TP53I13: variants seen among roughly 807,000 people sequenced by gnomAD.
TP53I13 encodes tumor protein p53-inducible protein 13.
A neutral mutation model predicts 39.1 loss-of-function variants in TP53I13; 27 were observed. That is an observed-to-expected ratio of 0.69 (90% CI 0.51 to 0.95). The LOEUF (loss-of-function observed/expected upper bound fraction) is 0.95. Among genes scored for constraint, TP53I13 ranks in the 40% least tolerant of loss-of-function variants. The pLI, the probability that TP53I13 is intolerant of heterozygous loss-of-function variation, is 0.00. For missense variants in TP53I13, 544 were observed against 520.4 expected, an observed-to-expected ratio of 1.05 and a Z score of -0.44; for synonymous variants, 230 against 224.6, an observed-to-expected ratio of 1.02 and a Z score of -0.22.
rs777469647 is a variant in TP53I13 at position 29,572,447 on chromosome 17, C to G, written c.819C>G (p.Asn273Lys). The G allele has an allele frequency of 6.3e-7, 1 of 1,576,848 alleles. No individual in the cohort carries two copies. Among genetic ancestry groups the G allele is most frequent in the African/African-American group, 1.4e-5 (1 of 74,008 alleles). The change falls in exon 6 of 7, where the codon AAC becomes AAG. Residue 273 changes from asparagine (N) to lysine (K), a missense_variant. Physicochemically the swap from Asn to Lys is moderately conservative, Grantham distance 94. Coordinates refer to ENST00000301057, the MANE Select transcript of TP53I13 (RefSeq NM_138349.4). ...CCAGGACAGAGGCTCAGGTGCCCAA[C>G]GGGCAAGGCAGCCCAGGGGGCTGTG... ...ASSRTEAQVP[N>K]GQGSPGGCVC... is the part of the protein sequence containing the mutation.
At chr17:29,575,275 C>A, downstream of TP53I13, 1 of 1,604,882 alleles carries the variant, frequency 6.2e-7, no homozygotes, top group Non-Finnish European at 8.5e-7. This position sits in a 1 kb window ranked among gnomAD's most constrained non-coding sequence, Gnocchi z 5.5. Context: ...TCACCTCCCC[C>A]TCCACTCAGT....
At chr17:29,581,390 AAT>A in the TP53I13 span, 11 of 1,610,796 alleles carry the variant, frequency 6.8e-6, no homozygotes, top group Admixed American at 1.7e-5. This position sits in a 1 kb window ranked among gnomAD's most constrained non-coding sequence, Gnocchi z 4.8. Context: ...TCTGAACAAA[AAT>A]AAAAATGCCA....
the TP53I13 span, chr17:29,581,361 G>A: frequency 1.2e-6 from 2 of 1,612,728 alleles, no homozygotes; most frequent in Non-Finnish European, 1.7e-6. This position sits in a 1 kb window ranked among gnomAD's most constrained non-coding sequence, Gnocchi z 4.8. Flanking sequence ...GTGGGATGAT[G>A]TAATGCCCAT....
chr17:29,579,281 T>TA, the TP53I13 span: 1 of 480,328 alleles, frequency 2.1e-6, no homozygotes, highest in Non-Finnish European at 3.7e-6. Flanking sequence ...AATCACCTGT[T>TA]GCCTGGGCTT....
At chr17:29,569,732 G>T (rs2032854649) in intron 3 of TP53I13, 1 of 244,128 alleles carries the variant, frequency 4.1e-6, no homozygotes, top group African/African-American at 2.2e-5. Flanking sequence ...TTCTGTAGGA[G>T]AGGGTATTAA....
At chr17:29,577,364 TC>T, downstream of TP53I13, 1 of 824,276 alleles carries the variant, frequency 1.2e-6, no homozygotes, top group Non-Finnish European at 2.0e-6. Context: ...AGCTAAAGCG[TC>T]CCAGCCTAGC....
rs766162438 is a variant in TP53I13 at position 29,572,027 on chromosome 17, AG to A, written c.486del (p.Arg163GlyfsTer27). ...CTCCCTCCGAGCCAACTCCCGGTAGAGGGAGGCTGTGCCGAAGAGGGTGTGT... is the reference window on the plus strand; with the variant it reads ...CTCCCTCCGAGCCAACTCCCGGTAGAGGAGGCTGTGCCGAAGAGGGTGTGT... ...PAPSEPTPGR[G>X]RLCRRGCVQA... On this transcript the variant is annotated frameshift_variant, in exon 5 of 7. Transcript: ENST00000301057. LOFTEE classifies it high-confidence loss of function. The A allele has an allele frequency of 6.2e-7, 1 of 1,613,156 alleles. No homozygotes were observed. The highest frequency in any genetic ancestry group is 1.7e-5 in the Admixed American group (1 of 60,022).
downstream of TP53I13, chr17:29,577,138 G>T (rs1205688642): frequency 3.1e-6 from 5 of 1,613,264 alleles, no homozygotes; most frequent in Non-Finnish European, 4.2e-6. Flanking sequence ...CCTCCCACCT[G>T]TGGGGCTGCT....
Position 29,568,968 on chromosome 17 carries a change from G to T in TP53I13, c.73-50G>T. The T allele has an allele frequency of 6.3e-7, 1 of 1,589,642 alleles. No individual in the cohort carries two copies. The highest frequency in any genetic ancestry group is 8.5e-7 in the Non-Finnish European group (1 of 1,169,616). On this transcript the variant is annotated intron_variant, in intron 1 of 6. Coordinates refer to ENST00000301057, the MANE Select transcript of TP53I13 (RefSeq NM_138349.4). This position sits in a 1 kb window ranked among gnomAD's most constrained non-coding sequence, Gnocchi z 4.5. ...CGGGCTGGGCCTGGGGAGAGAGAGG[G>T]CAGGGCCTCGCCGCGTCCAGCGCCC... is the stretch of plus-strand genomic sequence containing the variant.
chr17:29,576,047 G>T, downstream of TP53I13: 1 of 1,610,442 alleles, frequency 6.2e-7, no homozygotes, highest in Non-Finnish European at 8.5e-7. Flanking sequence ...GAACCTACTG[G>T]CTAAGATGGA....
In TP53I13 at chr17:29,571,710, G is replaced by T. The variant is rs779484881; in HGVS notation, c.303G>T (p.Thr101=). 1.2e-6 allele frequency: 2 copies of T among 1,613,948 alleles called. No individual in the cohort carries two copies. The highest frequency in any genetic ancestry group is 2.7e-5 in the African/African-American group (2 of 74,932). ...NPSLTPDFSL[T]QDRPLVLTAW... ...CCCTCACCCCTGACTTCAGCCTCACGCAGGATCGGGTATGTAGCTGATGAA... is the reference window on the plus strand; with the variant it reads ...CCCTCACCCCTGACTTCAGCCTCACTCAGGATCGGGTATGTAGCTGATGAA... Residue 101 remains threonine, a synonymous_variant, in exon 4 of 7, where the codon ACG becomes ACT. Coordinates refer to ENST00000301057, the MANE Select transcript of TP53I13 (RefSeq NM_138349.4).
rs1345930001 is a variant in TP53I13, at chr17:29,573,004, G to C, written c.*80G>C. On this transcript the variant is annotated 3_prime_UTR_variant, in exon 7 of 7. Coordinates refer to ENST00000301057, the MANE Select transcript of TP53I13 (RefSeq NM_138349.4). Reference sequence around the variant, plus strand: ...GACCTCTGCCACGTGGACCGCGCGCGGGGCGCTCCCTGGTGGCGATGGCGC... The same window carrying C: ...GACCTCTGCCACGTGGACCGCGCGCCGGGCGCTCCCTGGTGGCGATGGCGC... The C allele has an allele frequency of 6.8e-6, 8 of 1,179,010 alleles. No individual in the cohort carries two copies. The South Asian group carries it at 1.5e-4, about 22-fold the overall frequency. The allele number at this position is 1,179,010 out of a possible 1,614,324, so 73.0% of individuals were successfully genotyped here. A position where few individuals can be genotyped will look rare whatever the true frequency, so the allele number is the denominator to read the frequency against.
chr17:29,576,747 G>C, downstream of TP53I13: 1 of 1,595,828 alleles, frequency 6.3e-7, no homozygotes, highest in Non-Finnish European at 8.6e-7. Flanking sequence ...CAGTTATTGA[G>C]GCTAGGAGCA....
Position 29,571,637 on chromosome 17 carries a change from T to G in TP53I13, c.230T>G (p.Leu77Arg). The change falls in exon 4 of 7, where the codon CTG (leucine) becomes CGG (arginine). Residue 77 changes from leucine (L) to arginine (R), a missense_variant. Coordinates refer to ENST00000301057, the MANE Select transcript of TP53I13 (RefSeq NM_138349.4). ...FLYHPCAHPW[L>R]KLQLALLAYA... ...TACCACCCCTGTGCCCATCCCTGGC[T>G]GAAGCTCCAGCTTGCCCTCCTGGCC... 6 of 1,614,194 alleles carry G rather than the reference T, an allele frequency of 3.7e-6. No homozygotes were observed. The highest frequency in any genetic ancestry group is 5.1e-6 in the Non-Finnish European group (6 of 1,180,028).
Position 29,571,976 on chromosome 17 carries a change from C to A in TP53I13, c.432C>A (p.Ile144=), listed in dbSNP as rs2032949615. ...AGCAGAGGAAGAAGAAGGCATGGAT[C>A]TACTGTGAAAGCCTTTCAGGGCCTG... is the stretch of plus-strand genomic sequence containing the variant. The part of the protein sequence containing the change: ...RRKQRKKKAW[I]YCESLSGPAP... Residue 144 remains isoleucine, a synonymous_variant, in exon 5 of 7, where the codon ATC becomes ATA. Coordinates refer to ENST00000301057, the MANE Select transcript of TP53I13 (RefSeq NM_138349.4). 1 of 1,613,048 alleles carries A rather than the reference C, an allele frequency of 6.2e-7. No homozygotes were observed. Among genetic ancestry groups the A allele is most frequent in the Non-Finnish European group, 8.5e-7 (1 of 1,180,016 alleles).
At position 29,572,632 on chromosome 17, in the gene TP53I13, GA is replaced by G. The variant is rs2032995759; in HGVS notation, c.1007del (p.Asn336ThrfsTer24). The G allele has an allele frequency of 1.9e-6, 3 of 1,588,658 alleles. No homozygotes were observed. Among genetic ancestry groups the G allele is most frequent in the Non-Finnish European group, 8.6e-7 (1 of 1,168,520 alleles). ...TLATLCTRLH[R>X]NFRRGESIYW... ...GCCACGCTCTGCACACGGCTGCACAGAAACTTCCGACGCGGGGAGAGCATCT... is the reference window on the plus strand; with the variant it reads ...GCCACGCTCTGCACACGGCTGCACAGAACTTCCGACGCGGGGAGAGCATCT... On this transcript the variant is annotated frameshift_variant, in exon 6 of 7. Coordinates refer to ENST00000301057, the MANE Select transcript of TP53I13 (RefSeq NM_138349.4). LOFTEE classifies it high-confidence loss of function.
chr17:29,572,572 T>A lies in TP53I13; in HGVS notation c.944T>A (p.Met315Lys). The A allele has an allele frequency of 6.3e-7, 1 of 1,598,722 alleles. No homozygotes were observed. The highest frequency in any genetic ancestry group is 8.5e-7 in the Non-Finnish European group (1 of 1,173,378). ...PRTEEAAWAAMALTFLLVLLT... is the reference protein window; with the variant it reads ...PRTEEAAWAAKALTFLLVLLT... Reference sequence around the variant, plus strand: ...ACTGAAGAGGCCGCCTGGGCTGCCATGGCCCTGACCTTCCTGCTGGTGCTG... The same window carrying A: ...ACTGAAGAGGCCGCCTGGGCTGCCAAGGCCCTGACCTTCCTGCTGGTGCTG... Residue 315 changes from methionine to lysine, a missense_variant, in exon 6 of 7, where the codon ATG becomes AAG. Met to Lys is a moderately conservative substitution (Grantham distance 95). Transcript: ENST00000301057.
rs763326818 is a variant in TP53I13, at chr17:29,572,864, C to T, written c.1122C>T (p.Arg374=). The T allele has an allele frequency of 1.3e-6, 2 of 1,523,350 alleles. No individual in the cohort carries two copies. The highest frequency in any genetic ancestry group is 1.8e-6 in the Non-Finnish European group (2 of 1,142,448). The allele number at this position is 1,523,350 out of a possible 1,614,324, so 94.4% of individuals were successfully genotyped here. ...CCTCGCGCCGGGTCAAGCGCTCGCG[C>T]CGGAGACCCCTCCTCCCGCCCACGC... ...LQPSRRVKRS[R]RRPLLPPTPD... Residue 374 remains arginine (R), a synonymous_variant, in exon 7 of 7, where the codon CGC becomes CGT. Coordinates refer to ENST00000301057, the MANE Select transcript of TP53I13 (RefSeq NM_138349.4).
chr17:29,577,864 CAG>C, downstream of TP53I13: 1 of 675,292 alleles, frequency 1.5e-6, no homozygotes, highest in Non-Finnish European at 2.7e-6. Flanking sequence ...GTGTTCAGAA[CAG>C]GGGTGGTCTT....
Sources: gnomAD v4.1 joint callset for allele counts on GRCh38, gnomAD v4.1.1 for gene constraint, Gnocchi (gnomAD v3.1) non-coding constraint, MANE v1.5 for transcripts, NCBI Gene and HGNC (gene_info 2026-07-23, HGNC 2026-07-21) for gene names.